ZP3: variants seen among roughly 807,000 people sequenced by gnomAD.
The protein encoded by ZP3 is zona pellucida sperm-binding protein 3.
In ZP3, 21 loss-of-function variants were observed where a neutral mutation model predicts 35.6. The observed-to-expected ratio is 0.59, with a 90% confidence interval of 0.42 to 0.85. ZP3 has a LOEUF of 0.85. Ranked by LOEUF, ZP3 falls within the 40% of genes least tolerant of loss-of-function variation. ZP3 has a pLI of 0.00. For missense variants in ZP3, 437 were observed against 536.5 expected (o/e 0.81, Z 1.83); for synonymous variants, 207 against 214.5 (o/e 0.96, Z 0.31).
Position 76,416,966 on chromosome 7 carries a change from ATATATAT to A in ZP3, c.-66-8085_-66-8079del, listed in dbSNP as rs201273584. ...CATACATATATATATATATATATAT[ATATATAT>A]AATTTGGCATTTAATGATGAGGTAG... On this transcript the variant is annotated intron_variant, in intron 1 of 8. Coordinates refer to the ZP3 transcript ENST00000336517. 3.5e-3 allele frequency among the ~76,000 whole-genome samples: 436 copies of A among 124,520 alleles called. 8 individuals are homozygous for A. Among genetic ancestry groups the A allele is most frequent in the East Asian group, 0.01 (40 of 3,900 alleles). 81.7% of individuals were successfully genotyped at this position (124,520 alleles called of 152,430 possible).
At chr7:76,439,357 T>TCTACCA (rs1266580504) in intron 5 of ZP3, among the ~76,000 whole-genome samples, 1 of 152,198 alleles carries the variant, frequency 6.6e-6, no homozygotes, top group Non-Finnish European at 1.5e-5. Flanking sequence ...TATTAAGGTG[T>TCTACCA]CTACCACTCA....
intron 1 of ZP3, among the ~76,000 whole-genome samples, chr7:76,415,101 C>T (rs1371523281): frequency 2.0e-5 from 3 of 151,500 alleles, no homozygotes; most frequent in African/African-American, 4.8e-5. Flanking sequence ...CGAGGCCCAG[C>T]GCGGTGGCTC....
chr7:76,412,953 C>A (rs117585104), intron 1 of ZP3, among the ~76,000 whole-genome samples: 10,359 of 106,332 alleles, frequency 0.097, 955 homozygotes, highest in African/African-American at 0.26. Context: ...TCTTTGTCTT[C>A]TTCTTCTTCT....
At chr7:76,399,768 G>C (rs753302110) in intron 1 of ZP3, among the ~76,000 whole-genome samples, 1 of 151,844 alleles carries the variant, frequency 6.6e-6, no homozygotes, top group African/African-American at 2.4e-5. Flanking sequence ...AAGCAATCTT[G>C]CCACCTTGGC....
intron 2 of ZP3, among the ~76,000 whole-genome samples, chr7:76,431,515 C>A (rs1805823981): frequency 6.6e-6 from 1 of 152,056 alleles, no homozygotes; most frequent in South Asian, 2.1e-4. Flanking sequence ...CTGCAGATAC[C>A]CAGACCTGCT....
At chr7:76,414,634 T>G (rs1805322823) in intron 1 of ZP3, among the ~76,000 whole-genome samples, 1 of 148,692 alleles carries the variant, frequency 6.7e-6, no homozygotes, top group African/African-American at 2.5e-5. Context: ...GACCTTCTCA[T>G]GCAGGAACAG....
chr7:76,433,009 TTCTC>T lies in ZP3; in HGVS notation c.518_521del (p.Ser173CysfsTer3), dbSNP rs1477792594. The T allele has an allele frequency of 1.2e-6, 2 of 1,614,094 alleles. No individual in the cohort carries two copies. The highest frequency in any genetic ancestry group is 1.7e-6 in the Non-Finnish European group (2 of 1,180,012). On this transcript the variant is annotated frameshift_variant, in exon 3 of 8. Coordinates refer to ENST00000394857, the MANE Select transcript of ZP3 (RefSeq NM_001110354.2). LOFTEE classifies it high-confidence loss of function. ...GGTGTTCTCAGAGGAGAAGCTGACTTTCTCTCTGCGTCTGATGGAGGGTAAGAGA... is the reference window on the plus strand; with the variant it reads ...GGTGTTCTCAGAGGAGAAGCTGACTTTCTGCGTCTGATGGAGGGTAAGAGA...
chr7:76,436,200 C>G (rs542172985), intron 5 of ZP3, among the ~76,000 whole-genome samples: 7 of 151,792 alleles, frequency 4.6e-5, no homozygotes, highest in Non-Finnish European at 8.8e-5. Flanking sequence ...TGTAGGCATA[C>G]GCCACTACTG....
At chr7:76,435,581 T>TA (rs1324987620) in intron 5 of ZP3, among the ~76,000 whole-genome samples, 1 of 152,256 alleles carries the variant, frequency 6.6e-6, no homozygotes, top group African/African-American at 2.4e-5. Context: ...GGAGAGGTTG[T>TA]AAAAATACTG....
intron 5 of ZP3, among the ~76,000 whole-genome samples, chr7:76,436,014 A>ACGCGCCCC (rs1805989473): frequency 9.5e-6 from 1 of 105,354 alleles, no homozygotes; most frequent in Non-Finnish European, 1.9e-5. Context: ...ATGAACCACC[A>ACGCGCCCC]CGCGCCCCCC....
chr7:76,401,165 C>T, intron 1 of ZP3: 1 of 1,320,354 alleles, frequency 7.6e-7, no homozygotes, highest in Non-Finnish European at 1.0e-6. Context: ...GACTTCAGTA[C>T]CCCTGCTTTG....
At chr7:76,439,709 G>C (rs1439918695) in intron 5 of ZP3, among the ~76,000 whole-genome samples, 2 of 152,192 alleles carry the variant, frequency 1.3e-5, no homozygotes, top group Non-Finnish European at 2.9e-5. Context: ...CAGAAGCCCA[G>C]GGTCAAGCAT....
chr7:76,425,126 G>A lies in ZP3; in HGVS notation c.162G>A (p.Met54Ile), dbSNP rs781012666. ...GTCAGGAGGCCACTCTGATGGTCAT[G>A]GTCAGCAAAGACCTTTTTGGCACCG... ...VECQEATLMV[M>I]VSKDLFGTGK... The change falls in exon 1 of 8, where the codon ATG becomes ATA. Residue 54 changes from methionine to isoleucine, a missense_variant. Met to Ile is a conservative substitution (Grantham distance 10). Around this residue, in one of 6 missense-constraint regions of ZP3, gnomAD observed 352 missense variants for 308.4 expected, o/e 1.14. Transcript: ENST00000394857. The A allele has an allele frequency of 2.5e-6, 4 of 1,613,922 alleles. No individual in the cohort carries two copies. The highest frequency in any genetic ancestry group is 1.1e-5 in the South Asian group (1 of 91,074).
chr7:76,433,029 G>A lies in ZP3; in HGVS notation c.534G>A (p.Glu178=), dbSNP rs1333051508. 8 of 1,612,292 alleles carry A rather than the reference G, an allele frequency of 5.0e-6. 1 individual carries two copies. The South Asian group carries it at 6.6e-5, about 13-fold the overall frequency. The part of the protein sequence containing the change: ...EKLTFSLRLM[E]ENWNAEKRSP... ...TGACTTTCTCTCTGCGTCTGATGGAGGGTAAGAGAAGAAGGCTGGGTGGGA... is the reference window on the plus strand; with the variant it reads ...TGACTTTCTCTCTGCGTCTGATGGAAGGTAAGAGAAGAAGGCTGGGTGGGA... The change falls in exon 3 of 8, where the codon GAG becomes GAA. Residue 178 remains glutamate (E), a splice_region_variant and synonymous_variant. Coordinates refer to ENST00000394857, the MANE Select transcript of ZP3 (RefSeq NM_001110354.2).
chr7:76,419,769 CCCT>C (rs1193213971), intron 1 of ZP3, among the ~76,000 whole-genome samples: 128 of 142,618 alleles, frequency 9.0e-4, no homozygotes, highest in African/African-American at 2.2e-3. Context: ...TTTCCCCCTC[CCCT>C]CCTCCTCCTC....
intron 1 of ZP3, among the ~76,000 whole-genome samples, chr7:76,419,360 G>A (rs557344799): frequency 1.3e-5 from 2 of 152,128 alleles, no homozygotes; most frequent in East Asian, 1.9e-4. Flanking sequence ...TCATTTTTAT[G>A]TGGGAAGTGA....
Position 76,397,822 on chromosome 7 carries a change from G to A in ZP3, c.-67+25G>A, listed in dbSNP as rs769082537. The A allele has an allele frequency of 1.1e-5, 18 of 1,579,214 alleles. No homozygotes were observed. In the African/African-American group the frequency reaches 2.4e-4, roughly 21 times the overall value. ...GGTTCGCGCCCCCTACCAGGCGTAC[G>A]CTGCCCTCACCTGGGGATGGGGGCG... On this transcript the variant is annotated intron_variant, in intron 1 of 8. Coordinates refer to the ZP3 transcript ENST00000336517.
intron 1 of ZP3, among the ~76,000 whole-genome samples, chr7:76,414,979 ACCAGTTTTCTCACT>A (rs1805335849): frequency 6.7e-6 from 1 of 149,418 alleles, no homozygotes; most frequent in East Asian, 2.0e-4. Flanking sequence ...AATGAGTATT[ACCAGTTTTCTCACT>A]AATGTCCTTT....
chr7:76,430,885 C>T (rs1377405605), intron 2 of ZP3, among the ~76,000 whole-genome samples: 1 of 152,160 alleles, frequency 6.6e-6, no homozygotes, highest in East Asian at 1.9e-4. Context: ...ATGGCCTGGG[C>T]AGAGCCATGT....
Sources: allele counts gnomAD v4.1 joint callset (sites outside exome capture counted in the v4.1 genomes callset), GRCh38; gene constraint gnomAD v4.1.1; regional missense constraint gnomAD v4.1.1; transcripts MANE v1.5; gene names NCBI Gene and HGNC (gene_info 2026-07-23, HGNC 2026-07-21).